The following DCC variants were observed in gnomAD, a reference collection of about 807,000 sequenced individuals.
DCC encodes DCC netrin 1 receptor.
In DCC, 58 loss-of-function variants were observed where a neutral mutation model predicts 172.5. That is an observed-to-expected ratio of 0.34 (90% CI 0.27 to 0.42). The LOEUF is 0.42. Ranked by LOEUF, DCC falls within the 10% of genes least tolerant of loss-of-function variation. The pLI is 1.00. For missense variants in DCC, 1,740 were observed against 1,791.0 expected, an observed-to-expected ratio of 0.97 and a Z score of 0.51; for synonymous variants, 709 against 644.5, an observed-to-expected ratio of 1.10 and a Z score of -1.52.
chr18:53,142,798 T>G (rs545891808), intron 7 of DCC, among the ~76,000 whole-genome samples: 1 of 152,314 alleles, frequency 6.6e-6, no homozygotes, highest in Non-Finnish European at 1.5e-5. Context: ...AGGTTTTCCA[T>G]TAATATCATT....
intron 2 of DCC, among the ~76,000 whole-genome samples, chr18:52,799,896 T>A (rs1016741102): frequency 6.6e-6 from 1 of 152,210 alleles, no homozygotes; most frequent in African/African-American, 2.4e-5. Context: ...GGTGTGGATA[T>A]TTTAAGCTCT....
Position 53,085,957 on chromosome 18 carries a change from CTCTTCT to C in DCC, c.1261+19819_1261+19824del, listed in dbSNP as rs747047237. Among the ~76,000 whole-genome samples the C allele has an allele frequency of 6.7e-4, 44 of 65,898 alleles. 3 individuals are homozygous for C. The highest frequency in any genetic ancestry group is 1.9e-3 in the East Asian group (7 of 3,718). The allele number at this position is 65,898 out of a possible 152,430, so 43.2% of individuals were successfully genotyped here. A position where few individuals can be genotyped will look rare whatever the true frequency, so the allele number is the denominator to read the frequency against. On this transcript the variant is annotated intron_variant, in intron 7 of 28. Transcript: ENST00000442544. ...CATTTCAGCTTTGGTGGAGTATTTT[CTCTTCT>C]TCTTCTTCTTCTTCTTCTTCTTCTT...
intron 7 of DCC, among the ~76,000 whole-genome samples, chr18:53,094,131 A>G (rs532670434): frequency 6.6e-6 from 1 of 152,192 alleles, no homozygotes; most frequent in South Asian, 2.1e-4. Flanking sequence ...ATATTTACAG[A>G]CTTTTCCCAA....
intron 8 of DCC, among the ~76,000 whole-genome samples, chr18:53,169,195 A>G (rs2054973116): frequency 6.6e-6 from 1 of 152,238 alleles, no homozygotes; most frequent in South Asian, 2.1e-4. Context: ...GACTGATCTC[A>G]GTAAAGCAGG....
At chr18:53,130,870 C>G (rs182554857) in intron 7 of DCC, among the ~76,000 whole-genome samples, 20 of 151,994 alleles carry the variant, frequency 1.3e-4, no homozygotes, top group Admixed American at 1.3e-3. Context: ...TTCTCGATTT[C>G]TGTGTTTTGG....
Position 53,320,952 on chromosome 18 carries a change from C to T in DCC, c.2054-1095C>T, listed in dbSNP as rs1007432826. On this transcript the variant is annotated intron_variant, in intron 13 of 28. Transcript: ENST00000442544. Reference sequence around the variant, plus strand: ...ATAGATATTATGTAGGTGAATTTATCAAATGGTCTAATAGTACCGTCTATT... The same window carrying T: ...ATAGATATTATGTAGGTGAATTTATTAAATGGTCTAATAGTACCGTCTATT... Among the ~76,000 whole-genome samples, 3 of 152,232 alleles carry T rather than the reference C, an allele frequency of 2.0e-5. No homozygotes were observed. In the South Asian group the frequency reaches 6.2e-4, roughly 32 times the overall value.
chr18:52,446,064 C>G (rs1598824670), intron 1 of DCC, among the ~76,000 whole-genome samples: 1 of 152,148 alleles, frequency 6.6e-6, no homozygotes, highest in Admixed American at 6.5e-5. Context: ...CTCTGAGTAG[C>G]TGGGACTACA....
At chr18:52,980,863 T>G (rs965889507) in intron 5 of DCC, among the ~76,000 whole-genome samples, 2 of 151,338 alleles carry the variant, frequency 1.3e-5, no homozygotes, top group Non-Finnish European at 2.9e-5. Flanking sequence ...AGAACTTCAA[T>G]TGAAGAAATC....
intron 2 of DCC, among the ~76,000 whole-genome samples, chr18:52,797,523 G>T (rs1318616915): frequency 6.6e-6 from 1 of 152,186 alleles, no homozygotes; most frequent in Non-Finnish European, 1.5e-5. Flanking sequence ...TTCAGTGTCA[G>T]CGATATCTGG....
chr18:52,828,946 A>G (rs16955630), intron 2 of DCC, among the ~76,000 whole-genome samples: 37,972 of 152,120 alleles, frequency 0.25, 4,929 homozygotes, highest in South Asian at 0.3. Context: ...AAATTGTTTA[A>G]GATGATGACA....
At chr18:53,298,078 C>G (rs1000587020) in intron 12 of DCC, among the ~76,000 whole-genome samples, 1 of 152,090 alleles carries the variant, frequency 6.6e-6, no homozygotes, top group African/African-American at 2.4e-5. Flanking sequence ...TAAGCGATCA[C>G]TGGAAATCCT....
At chr18:52,930,353 G>A (rs2040289827) in intron 5 of DCC, among the ~76,000 whole-genome samples, 1 of 152,042 alleles carries the variant, frequency 6.6e-6, no homozygotes, top group Non-Finnish European at 1.5e-5. Context: ...CAGCTACTCA[G>A]GAATCTGAAG....
At chr18:52,855,331 G>C (rs2039035238) in intron 2 of DCC, among the ~76,000 whole-genome samples, 1 of 152,194 alleles carries the variant, frequency 6.6e-6, no homozygotes, top group South Asian at 2.1e-4. Flanking sequence ...AGAGTAGATT[G>C]TTTTGACATT....
intron 1 of DCC, among the ~76,000 whole-genome samples, chr18:52,721,579 T>C (rs2036474239): frequency 6.6e-6 from 1 of 152,204 alleles, no homozygotes; most frequent in South Asian, 2.1e-4. Context: ...TCTTCCAATG[T>C]ACAATGGGCC....
intron 1 of DCC, among the ~76,000 whole-genome samples, chr18:52,441,320 G>C (rs1987963190): frequency 6.6e-6 from 1 of 152,156 alleles, no homozygotes; most frequent in African/African-American, 2.4e-5. Flanking sequence ...TTAGAAGTGA[G>C]AAATGTTTAT....
intron 2 of DCC, among the ~76,000 whole-genome samples, chr18:52,840,449 C>T (rs1411622513): frequency 6.6e-6 from 1 of 152,186 alleles, no homozygotes; most frequent in African/African-American, 2.4e-5. Flanking sequence ...CTGGTGCCTG[C>T]ATTCTCAGTA....
intron 15 of DCC, among the ~76,000 whole-genome samples, chr18:53,353,890 C>T (rs931888637): frequency 4.6e-5 from 7 of 152,048 alleles, no homozygotes; most frequent in Admixed American, 2.6e-4. Context: ...ATTTACATTA[C>T]GTATCTCTCC....
rs750007696 is a variant in DCC at position 53,325,196 on chromosome 18, C to CAAAA, written c.2164+3058_2164+3061dup. ...AGACAGAGCAAGCAAGACTCCATCTCAAAAAAAAAAAAAAAAAAAAAAGTT... is the reference window on the plus strand; with the variant it reads ...AGACAGAGCAAGCAAGACTCCATCTCAAAAAAAAAAAAAAAAAAAAAAAAAAGTT... On this transcript the variant is annotated intron_variant, in intron 14 of 28. Coordinates refer to ENST00000442544, the MANE Select transcript of DCC (RefSeq NM_005215.4). Among the ~76,000 whole-genome samples, 40 of 65,028 alleles carry CAAAA rather than the reference C, an allele frequency of 6.2e-4. 1 individual carries two copies. Among genetic ancestry groups the CAAAA allele is most frequent in the East Asian group, 3.9e-3 (7 of 1,800 alleles). 42.7% of individuals were successfully genotyped at this position (65,028 alleles called of 152,430 possible). A position where few individuals can be genotyped will look rare whatever the true frequency, so the allele number is the denominator to read the frequency against.
intron 1 of DCC, among the ~76,000 whole-genome samples, chr18:52,394,433 T>A (rs973155388): frequency 2.7e-5 from 4 of 149,384 alleles, no homozygotes; most frequent in African/African-American, 9.7e-5. Flanking sequence ...ACCTGGCTAA[T>A]TTTTTAAAGT....
Sources: allele counts gnomAD v4.1 joint callset (sites outside exome capture counted in the v4.1 genomes callset), GRCh38; gene constraint gnomAD v4.1.1; transcripts MANE v1.5; gene names NCBI Gene and HGNC (gene_info 2026-07-23, HGNC 2026-07-21).